The following IGSF3 variants were observed in gnomAD, a reference collection of about 807,000 sequenced individuals.
IGSF3 encodes the protein immunoglobulin superfamily member 3.
Under a neutral mutation model 114.4 loss-of-function variants are expected in IGSF3, and 23 were observed. The observed-to-expected ratio is 0.20, with a 90% CI of 0.14 to 0.28. The LOEUF is 0.28. IGSF3 is among the 10% of genes least tolerant of loss of function. IGSF3 has a pLI of 1.00. For missense variants in IGSF3, 1,172 were observed against 1,591.5 expected, an observed-to-expected ratio of 0.74 and a Z score of 4.48; for synonymous variants, 571 against 645.2, an observed-to-expected ratio of 0.88 and a Z score of 1.74.
rs1647700212 is a variant in IGSF3 at position 116,633,747 on chromosome 1, G to T, written c.44-17290C>A. Among the ~76,000 whole-genome samples, 1 of 152,178 alleles carries T rather than the reference G, an allele frequency of 6.6e-6. No individual in the cohort carries two copies. The highest frequency in any genetic ancestry group is 2.4e-5 in the African/African-American group (1 of 41,432). On this transcript the variant is annotated intron_variant, in intron 2 of 10. Coordinates refer to ENST00000369486, the MANE Select transcript of IGSF3 (RefSeq NM_001007237.3). This position sits in a 1 kb window ranked among gnomAD's most constrained non-coding sequence, Gnocchi z 4.3. ...ATAAAAATTCAAAATCATGATCTTAGGGGTGAAAGAACACTGAGAAACCAT... is the reference window on the plus strand; with the variant it reads ...ATAAAAATTCAAAATCATGATCTTATGGGTGAAAGAACACTGAGAAACCAT...
rs891805354 is a variant in IGSF3 at position 116,583,054 on chromosome 1, T to C, written c.2848+1591A>G. Among the ~76,000 whole-genome samples the C allele has an allele frequency of 1.3e-5, 2 of 152,192 alleles. No homozygotes were observed. The highest frequency in any genetic ancestry group is 4.8e-5 in the African/African-American group (2 of 41,438). ...TGTGGCAGGAGGGAAGCCTGGGTGG[T>C]CACTCTGCCTGCACCTGCTGGCTGG... On this transcript the variant is annotated intron_variant, in intron 9 of 10. Transcript: ENST00000369486. The surrounding 1 kb of genome is among the most constrained non-coding windows in gnomAD (Gnocchi z 4.5).
intron 2 of IGSF3, among the ~76,000 whole-genome samples, chr1:116,619,946 T>C (rs986168271): frequency 6.6e-6 from 1 of 152,086 alleles, no homozygotes; most frequent in Non-Finnish European, 1.5e-5. Context: ...ATTTTTATTT[T>C]TTTCTTAATA....
chr1:116,577,040 C>T lies in IGSF3; in HGVS notation c.*272G>A. The T allele has an allele frequency of 2.4e-6, 1 of 417,560 alleles. No individual in the cohort carries two copies. Among genetic ancestry groups the T allele is most frequent in the Non-Finnish European group, 4.3e-6 (1 of 230,194 alleles). The allele number at this position is 417,560 out of a possible 1,614,324, so 25.9% of individuals were successfully genotyped here. On this transcript the variant is annotated 3_prime_UTR_variant, in exon 11 of 11. Coordinates refer to ENST00000369486, the MANE Select transcript of IGSF3 (RefSeq NM_001007237.3). This position sits in a 1 kb window ranked among gnomAD's most constrained non-coding sequence, Gnocchi z 5.7. ...TAGATAAATCTGTGAGTAGATGTGG[C>T]ACCTGGAGCTACTCACTACATTACT... is the stretch of plus-strand genomic sequence containing the variant.
At position 116,579,638 on chromosome 1, in the gene IGSF3, G is replaced by A. The variant is rs768683998; in HGVS notation, c.3088C>T (p.Arg1030Trp). ...DDDDDDDPTE[R>W]TALLSVGPDA... ...GGGCCCACGCTCAGCAGGGCCGTCC[G>A]CTCTGTTGGGTCGTCGTCGTCGTCG... is the stretch of plus-strand genomic sequence containing the variant. Residue 1030 changes from arginine to tryptophan, a missense_variant, in exon 10 of 11, where the codon CGG becomes TGG. This residue lies in a region of IGSF3 where 423 missense variants were observed against 509.8 expected (regional missense o/e 0.83). Transcript: ENST00000369486. This position sits in a 1 kb window ranked among gnomAD's most constrained non-coding sequence, Gnocchi z 6.4. 1.7e-5 allele frequency: 28 copies of A among 1,612,806 alleles called. No individual in the cohort carries two copies. Among genetic ancestry groups the A allele is most frequent in the Non-Finnish European group, 2.2e-5 (26 of 1,179,530 alleles).
At chr1:116,643,768 G>A (rs1648217708) in intron 2 of IGSF3, among the ~76,000 whole-genome samples, 1 of 152,244 alleles carries the variant, frequency 6.6e-6, no homozygotes, top group Non-Finnish European at 1.5e-5. Context: ...CGATCCCTGT[G>A]AAAGAGGGAT....
At chr1:116,617,977 A>G (rs191058615) in intron 2 of IGSF3, among the ~76,000 whole-genome samples, 1 of 152,372 alleles carries the variant, frequency 6.6e-6, no homozygotes, top group Non-Finnish European at 1.5e-5. Flanking sequence ...GGCTATGCCT[A>G]TCTGAAGTGG....
At chr1:116,626,638 G>A (rs2101033101) in intron 2 of IGSF3, among the ~76,000 whole-genome samples, 1 of 152,104 alleles carries the variant, frequency 6.6e-6, no homozygotes, top group Non-Finnish European at 1.5e-5. Flanking sequence ...GATGTCCATG[G>A]CTATTTCACC....
At chr1:116,660,186 GC>G (rs1332877370) in intron 2 of IGSF3, among the ~76,000 whole-genome samples, 2 of 152,180 alleles carry the variant, frequency 1.3e-5, no homozygotes, top group African/African-American at 4.8e-5. Flanking sequence ...TAAAAGGCCT[GC>G]TGAGGCCTTT....
intron 6 of IGSF3, among the ~76,000 whole-genome samples, chr1:116,602,996 T>C (rs939045689): frequency 6.6e-6 from 1 of 152,222 alleles, no homozygotes; most frequent in Admixed American, 6.5e-5. Flanking sequence ...CTTCTAGCCT[T>C]AGGCAAAGTA....
rs1332175483 is a variant in IGSF3 at position 116,593,518 on chromosome 1, A to G, written c.2030-4414T>C. ...CAGATGAGAGACAAGGAAAGAATGC[A>G]GGGTGAGCTGCATGGGAAGCCAGTG... On this transcript the variant is annotated intron_variant, in intron 7 of 10. Transcript: ENST00000369486. The surrounding 1 kb of genome is among the most constrained non-coding windows in gnomAD (Gnocchi z 4.5). Among the ~76,000 whole-genome samples the G allele has an allele frequency of 6.6e-6, 1 of 152,246 alleles. No homozygotes were observed. The highest frequency in any genetic ancestry group is 6.5e-5 in the Admixed American group (1 of 15,292).
Position 116,650,484 on chromosome 1 carries a change from C to T in IGSF3, c.43+15800G>A, listed in dbSNP as rs866745507. Among the ~76,000 whole-genome samples the T allele has an allele frequency of 3.9e-5, 6 of 152,172 alleles. No individual in the cohort carries two copies. The highest frequency in any genetic ancestry group is 9.7e-5 in the African/African-American group (4 of 41,434). ...ATGTCACACGCCCATGTCTAAATTA[C>T]GGGCCTCCAGGATGGGCTCAGCTCA... On this transcript the variant is annotated intron_variant, in intron 2 of 10. Coordinates refer to ENST00000369486, the MANE Select transcript of IGSF3 (RefSeq NM_001007237.3). The surrounding 1 kb of genome is among the most constrained non-coding windows in gnomAD (Gnocchi z 5.0).
rs1262054249 is a variant in IGSF3, at chr1:116,657,406, A to T, written c.43+8878T>A. Among the ~76,000 whole-genome samples, 3 of 152,198 alleles carry T rather than the reference A, an allele frequency of 2.0e-5. No homozygotes were observed. The highest frequency in any genetic ancestry group is 2.9e-5 in the Non-Finnish European group (2 of 68,030). On this transcript the variant is annotated intron_variant, in intron 2 of 10. Transcript: ENST00000369486. The surrounding 1 kb of genome is among the most constrained non-coding windows in gnomAD (Gnocchi z 4.2). ...TGACGACCTTAGAGATTTCAAAATC[A>T]CCTAACAATAACCCCACTTTCCCTA...
chr1:116,608,066 G>A lies in IGSF3; in HGVS notation c.1098C>T (p.Leu366=), dbSNP rs770883569. The A allele has an allele frequency of 3.7e-6, 6 of 1,613,922 alleles. No individual in the cohort carries two copies. Among genetic ancestry groups the A allele is most frequent in the Non-Finnish European group, 5.1e-6 (6 of 1,179,846 alleles). The change falls in exon 5 of 11, where the codon CTC becomes CTT. Residue 366 remains leucine, a synonymous_variant. Transcript: ENST00000369486. ...DSVFVLKIYH[L]RQEDSGKYNC... Reference sequence around the variant, plus strand: ...TGTATTTCCCGCTATCTTCCTGGCGGAGGTGGTAGATCTTCAGCACAAAGA... The same window carrying A: ...TGTATTTCCCGCTATCTTCCTGGCGAAGGTGGTAGATCTTCAGCACAAAGA...
At position 116,618,375 on chromosome 1, in the gene IGSF3, A is replaced by G. The variant is rs1268929931; in HGVS notation, c.44-1918T>C. Among the ~76,000 whole-genome samples the G allele has an allele frequency of 6.6e-6, 1 of 152,248 alleles. No homozygotes were observed. Among genetic ancestry groups the G allele is most frequent in the Non-Finnish European group, 1.5e-5 (1 of 68,044 alleles). On this transcript the variant is annotated intron_variant, in intron 2 of 10. Transcript: ENST00000369486. The surrounding 1 kb of genome is among the most constrained non-coding windows in gnomAD (Gnocchi z 4.7). ...AGTATGTTAAAATATGATGCATAACATTTTTACTATATGTACAGTCATGCA... is the reference window on the plus strand; with the variant it reads ...AGTATGTTAAAATATGATGCATAACGTTTTTACTATATGTACAGTCATGCA...
In IGSF3 at chr1:116,614,112, G is replaced by A. The variant is rs749460351; in HGVS notation, c.485C>T (p.Pro162Leu). 7 of 1,613,898 alleles carry A rather than the reference G, an allele frequency of 4.3e-6. No individual in the cohort carries two copies. Among genetic ancestry groups the A allele is most frequent in the Middle Eastern group, 1.7e-4 (1 of 5,900 alleles). ...GGCCACCTCACAAGTGAGCTCCAGC[G>A]GGTCCTGCTCCACTCTGTGCAGAGT... Reference protein sequence around the residue: ...PQTLHRVEQDPLELTCEVASE... With the variant: ...PQTLHRVEQDLLELTCEVASE... Residue 162 changes from proline to leucine, a missense_variant, in exon 4 of 11, where the codon CCG becomes CTG. By Grantham distance (98) the Pro-to-Leu change is moderately conservative (BLOSUM62 -3). This residue lies in a region of IGSF3 where 736 missense variants were observed against 1,042.0 expected (regional missense o/e 0.71). Coordinates refer to ENST00000369486, the MANE Select transcript of IGSF3 (RefSeq NM_001007237.3). This position sits in a 1 kb window ranked among gnomAD's most constrained non-coding sequence, Gnocchi z 4.5.
rs1232603553 is a variant in IGSF3, at chr1:116,654,094, A to G, written c.43+12190T>C. ...GAATATCTGCACCATCATTCCTCAC[A>G]CTAACAAACATGTCCATCTATGTGA... On this transcript the variant is annotated intron_variant, in intron 2 of 10. Transcript: ENST00000369486. This position sits in a 1 kb window ranked among gnomAD's most constrained non-coding sequence, Gnocchi z 4.4. 1.3e-5 allele frequency among the ~76,000 whole-genome samples: 2 copies of G among 152,316 alleles called. No homozygotes were observed. The highest frequency in any genetic ancestry group is 2.1e-4 in the South Asian group (1 of 4,822).
Position 116,603,477 on chromosome 1 carries a change from A to C in IGSF3, c.1624+147T>G. ...TAAACCCTTATAAGAAATAAAATAG[A>C]CATAAAGGAAAGTACTTCAAACTCT... On this transcript the variant is annotated intron_variant, in intron 6 of 10. Transcript: ENST00000369486. This position sits in a 1 kb window ranked among gnomAD's most constrained non-coding sequence, Gnocchi z 7.1. The C allele has an allele frequency of 1.3e-6, 1 of 755,614 alleles. No individual in the cohort carries two copies. Among genetic ancestry groups the C allele is most frequent in the Non-Finnish European group, 2.1e-6 (1 of 465,710 alleles). 46.8% of individuals were successfully genotyped at this position (755,614 alleles called of 1,614,324 possible).
intron 2 of IGSF3, among the ~76,000 whole-genome samples, chr1:116,620,856 T>A (rs934435033): frequency 6.6e-5 from 10 of 152,144 alleles, no homozygotes; most frequent in African/African-American, 1.9e-4. Context: ...TCCTCCCACA[T>A]CAGCCTCCTG....
Position 116,579,808 on chromosome 1 carries a change from T to C in IGSF3, c.2918A>G (p.Asp973Gly). The C allele has an allele frequency of 6.2e-7, 1 of 1,613,882 alleles. No individual in the cohort carries two copies. The highest frequency in any genetic ancestry group is 8.5e-7 in the Non-Finnish European group (1 of 1,179,998). The change falls in exon 10 of 11, where the codon GAC becomes GGC. Residue 973 changes from aspartate (D) to glycine (G), a missense_variant. Asp to Gly is a moderately conservative substitution (Grantham distance 94, BLOSUM62 -1). Transcript: ENST00000369486. The surrounding 1 kb of genome is among the most constrained non-coding windows in gnomAD (Gnocchi z 6.4). Reference protein sequence around the residue: ...TVSEKAAFQLDCSIVSRSSQD... With the variant: ...TVSEKAAFQLGCSIVSRSSQD... ...GCTGGAGCGGGACACGATGCTACAG[T>C]CCAGCTGGAAAGCTGCCTTCTCAGA...
Sources: allele counts gnomAD v4.1 joint callset (sites outside exome capture counted in the v4.1 genomes callset), GRCh38; gene constraint gnomAD v4.1.1; regional missense constraint gnomAD v4.1.1; non-coding constraint Gnocchi (gnomAD v3.1); transcripts MANE v1.5; gene names NCBI Gene and HGNC (gene_info 2026-07-23, HGNC 2026-07-21).